PFDN2: variants seen among roughly 807,000 people sequenced by gnomAD.
PFDN2 encodes prefoldin subunit 2, also known as prefoldin 2.
In PFDN2, 7 loss-of-function variants were observed where a neutral mutation model predicts 18.3. The observed-to-expected ratio is 0.38, with a 90% confidence interval of 0.22 to 0.72. PFDN2 has a LOEUF of 0.72. Among genes scored for constraint, PFDN2 ranks in the 30% least tolerant of loss-of-function variants. The pLI, the probability that PFDN2 is intolerant of heterozygous loss-of-function variation, is 0.47. For missense variants in PFDN2, 181 were observed against 199.1 expected (o/e 0.91, Z 0.55); for synonymous variants, 76 against 75.0 (o/e 1.01, Z -0.07).
rs1011986884 is a variant in PFDN2 at position 161,100,628 on chromosome 1, A to G, written c.*55T>C. 1.6e-5 allele frequency: 19 copies of G among 1,171,698 alleles called. No homozygotes were observed. The African/African-American group carries it at 2.0e-4, about 12-fold the overall frequency. The allele number at this position is 1,171,698 out of a possible 1,614,324, so 72.6% of individuals were successfully genotyped here. ...CAGAGAAAATAATAATAATAACAAT[A>G]AAGAGAAATTAGAAGTGGGAGTCAG... On this transcript the variant is annotated 3_prime_UTR_variant, in exon 4 of 4. Coordinates refer to ENST00000368010, the MANE Select transcript of PFDN2 (RefSeq NM_012394.4).
intron 1 of PFDN2, among the ~76,000 whole-genome samples, chr1:161,107,687 C>G (rs1361893299): frequency 7.0e-6 from 1 of 143,848 alleles, no homozygotes; most frequent in Non-Finnish European, 1.5e-5. Flanking sequence ...TGGTGGTGCA[C>G]ACCTGTAGTC....
At chr1:161,101,821 A>C (rs2101698324) in intron 3 of PFDN2, among the ~76,000 whole-genome samples, 1 of 152,304 alleles carries the variant, frequency 6.6e-6, no homozygotes. Flanking sequence ...TGAGGTGATC[A>C]CAGCTCACTG....
At chr1:161,107,640 C>T (rs1425797146) in intron 1 of PFDN2, among the ~76,000 whole-genome samples, 2 of 151,190 alleles carry the variant, frequency 1.3e-5, no homozygotes, top group African/African-American at 4.9e-5. Context: ...CATGGTGAAA[C>T]CCCATCTCTA....
chr1:161,104,907 T>G (rs1420024074), intron 1 of PFDN2, among the ~76,000 whole-genome samples: 1 of 152,200 alleles, frequency 6.6e-6, no homozygotes, highest in African/African-American at 2.4e-5. Flanking sequence ...CCCCTTCATC[T>G]CAAGCTACTT....
intron 1 of PFDN2, 121 bp downstream of exon 1, chr1:161,117,831 C>G (rs945767045): frequency 1.1e-6 from 1 of 923,510 alleles, no homozygotes; most frequent in Non-Finnish European, 1.6e-6. Context: ...GGACCCTTCC[C>G]TCTCTAGGTG....
chr1:161,115,433 G>A (rs1362755755), intron 1 of PFDN2, among the ~76,000 whole-genome samples: 3 of 152,188 alleles, frequency 2.0e-5, no homozygotes, highest in African/African-American at 4.8e-5. Context: ...ATCCCGCTCA[G>A]GATGTGAATC....
intron 1 of PFDN2, among the ~76,000 whole-genome samples, chr1:161,116,787 G>A (rs1030172058): frequency 1.2e-4 from 18 of 150,520 alleles, no homozygotes; most frequent in African/African-American, 3.4e-4. Flanking sequence ...GCTTGAACCC[G>A]GGAGGTGGAG....
rs760279623 is a variant in PFDN2, at chr1:161,117,976, C to G, written c.51G>C (p.Gly17=). The stretch of plus-strand genomic sequence containing the variant: ...CCTGCTCTGCGGACACCGCCCCCTT[C>G]CCCGCGCCGCTCCCGCTGCTCTTGC... The part of the protein sequence containing the change: ...RAGKSSGSGA[G]KGAVSAEQVI... Residue 17 remains glycine, a synonymous_variant, in exon 1 of 4, where the codon GGG becomes GGC. Coordinates refer to ENST00000368010, the MANE Select transcript of PFDN2 (RefSeq NM_012394.4). The G allele has an allele frequency of 5.6e-6, 9 of 1,612,868 alleles. No individual in the cohort carries two copies. The highest frequency in any genetic ancestry group is 7.6e-6 in the Non-Finnish European group (9 of 1,179,504).
intron 1 of PFDN2, among the ~76,000 whole-genome samples, chr1:161,108,526 C>A (rs1654733703): frequency 6.7e-6 from 1 of 150,136 alleles, no homozygotes; most frequent in Non-Finnish European, 1.5e-5. Context: ...GACTGCGCCA[C>A]TGCACTCCAG....
At chr1:161,102,849 T>C (rs1168126496) in intron 1 of PFDN2, among the ~76,000 whole-genome samples, 1 of 151,880 alleles carries the variant, frequency 6.6e-6, no homozygotes, top group Non-Finnish European at 1.5e-5. Context: ...TCCCAGCTAC[T>C]TGGGAGGCTG....
intron 3 of PFDN2, among the ~76,000 whole-genome samples, 163 bp downstream of exon 3, chr1:161,101,885 C>T (rs1654570292): frequency 6.6e-6 from 1 of 152,206 alleles, no homozygotes; most frequent in Non-Finnish European, 1.5e-5. Context: ...GCACATACCA[C>T]CATACCCAGC....
At chr1:161,100,960 C>G in intron 3 of PFDN2, 101 bp from the exon 4 acceptor site, 3 of 811,068 alleles carry the variant, frequency 3.7e-6, no homozygotes, top group Non-Finnish European at 6.0e-6. Flanking sequence ...TTTAACCTTA[C>G]CTTTAACCAA....
At chr1:161,116,755 C>G (rs140553706) in intron 1 of PFDN2, among the ~76,000 whole-genome samples, 38 of 152,272 alleles carry the variant, frequency 2.5e-4, no homozygotes, top group East Asian at 9.6e-4. Context: ...ATCCCAGCTA[C>G]TCGGGAGGCT....
chr1:161,101,361 A>T (rs1469442200), intron 3 of PFDN2, among the ~76,000 whole-genome samples: 1 of 151,636 alleles, frequency 6.6e-6, no homozygotes, highest in Non-Finnish European at 1.5e-5. Context: ...CACAACGCCC[A>T]GCCAATTTTT....
intron 1 of PFDN2, among the ~76,000 whole-genome samples, chr1:161,107,424 C>CAAAAAA (rs34132641): frequency 4.4e-5 from 3 of 68,298 alleles, no homozygotes; most frequent in African/African-American, 6.0e-5. Context: ...GACTCTGTCT[C>CAAAAAA]AAAAAAAAAA....
At chr1:161,103,838 A>G (rs1403330640) in intron 1 of PFDN2, among the ~76,000 whole-genome samples, 1 of 152,142 alleles carries the variant, frequency 6.6e-6, no homozygotes, top group Admixed American at 6.6e-5. Flanking sequence ...TGTGGGGGGA[A>G]AAAATGAAAA....
In PFDN2 at chr1:161,100,792, C is replaced by T. The variant is rs770416144; in HGVS notation, c.356G>A (p.Arg119Gln). The change falls in exon 4 of 4, where the codon CGG becomes CAG. Residue 119 changes from arginine (R) to glutamine (Q), a missense_variant. Physicochemically the swap from Arg to Gln is conservative, Grantham distance 43. Transcript: ENST00000368010. Reference sequence around the variant, plus strand: ...CATGAGACGAATGTTGTGCTTTTCCCGGAATTCATTTAGTTCTTTTCCCTT... The same window carrying T: ...CATGAGACGAATGTTGTGCTTTTCCTGGAATTCATTTAGTTCTTTTCCCTT... The part of the protein sequence containing the change: ...QAKGKELNEF[R>Q]EKHNIRLMGE... The T allele has an allele frequency of 1.9e-5, 31 of 1,613,864 alleles. 1 individual carries two copies. The South Asian group carries it at 3.3e-4, about 17-fold the overall frequency.
chr1:161,100,956 C>T, intron 3 of PFDN2, 97 bp from the exon 4 acceptor site: 1 of 869,946 alleles, frequency 1.1e-6, no homozygotes, highest in South Asian at 1.7e-5. Flanking sequence ...CACATTTAAC[C>T]TTACCTTTAA....
chr1:161,114,221 A>G (rs1267332498), intron 1 of PFDN2, among the ~76,000 whole-genome samples: 4 of 152,242 alleles, frequency 2.6e-5, no homozygotes, highest in African/African-American at 9.6e-5. Flanking sequence ...TGGGTGTCCC[A>G]CAAGAAACCT....
Sources: gnomAD v4.1 joint callset for allele counts (sites outside exome capture counted in the v4.1 genomes callset) on GRCh38, gnomAD v4.1.1 for gene constraint, MANE v1.5 for transcripts, NCBI Gene and HGNC (gene_info 2026-07-23, HGNC 2026-07-21) for gene names.